EIPR1: variants seen among roughly 807,000 people sequenced by gnomAD.
EIPR1 encodes EARP complex and GARP complex interacting protein 1.
In EIPR1, 25 loss-of-function variants were observed where a neutral mutation model predicts 48.1. The observed-to-expected ratio is 0.52, with a 90% CI of 0.38 to 0.73. The LOEUF is 0.73. Ranked by LOEUF, EIPR1 falls within the 30% of genes least tolerant of loss-of-function variation. The probability of loss-of-function intolerance (pLI) is 0.00; values close to 1 mark genes in which losing one functional copy is unlikely to be tolerated. For missense variants in EIPR1, 415 were observed against 506.2 expected, an observed-to-expected ratio of 0.82 and a Z score of 1.73; for synonymous variants, 204 against 201.9, an observed-to-expected ratio of 1.01 and a Z score of -0.09.
At chr2:3,230,395 G>C (rs1666205580) in intron 4 of EIPR1, among the ~76,000 whole-genome samples, 1 of 152,190 alleles carries the variant, frequency 6.6e-6, no homozygotes, top group African/African-American at 2.4e-5. Context: ...CGCTGCAGCT[G>C]AAGGGGGTGG....
rs1257429367 is a variant in EIPR1 at position 3,269,344 on chromosome 2, G to A, written c.260-11889C>T. Among the ~76,000 whole-genome samples, 270 of 74,408 alleles carry A rather than the reference G, an allele frequency of 3.6e-3. 58 individuals carry two copies. The highest frequency in any genetic ancestry group is 8.8e-3 in the African/African-American group (134 of 15,260). The allele number at this position is 74,408 out of a possible 152,430, so 48.8% of individuals were successfully genotyped here. On this transcript the variant is annotated intron_variant, in intron 3 of 8. Coordinates refer to ENST00000382125, the MANE Select transcript of EIPR1 (RefSeq NM_003310.5). ...TCGCACTCAATCATCATCACACTCAGTCATCGCACTCAGTCATCGCACTCA... is the reference window on the plus strand; with the variant it reads ...TCGCACTCAATCATCATCACACTCAATCATCGCACTCAGTCATCGCACTCA...
At chr2:3,367,246 A>G (rs760132921) in intron 1 of EIPR1, among the ~76,000 whole-genome samples, 12 of 152,106 alleles carry the variant, frequency 7.9e-5, no homozygotes, top group South Asian at 6.2e-4. Flanking sequence ...GTTTCCTCCT[A>G]TGCTGTGTTC....
chr2:3,364,150 C>T (rs111645071), intron 1 of EIPR1, among the ~76,000 whole-genome samples: 11,910 of 152,198 alleles, frequency 0.078, 1,225 homozygotes, highest in East Asian at 0.41. Context: ...ATCCAGCAAT[C>T]CCACTACTGG....
intron 5 of EIPR1, among the ~76,000 whole-genome samples, chr2:3,201,800 C>T (rs1392839541): frequency 6.6e-6 from 1 of 152,154 alleles, no homozygotes; most frequent in Non-Finnish European, 1.5e-5. Flanking sequence ...GAATTGGTAG[C>T]AACATTACGT....
chr2:3,213,135 C>T (rs1336609723), intron 5 of EIPR1, among the ~76,000 whole-genome samples: 1 of 152,186 alleles, frequency 6.6e-6, no homozygotes, highest in Non-Finnish European at 1.5e-5. Flanking sequence ...GAGGCCATCA[C>T]TGGAGAAATC....
At chr2:3,206,153 G>A (rs1203524589) in intron 5 of EIPR1, among the ~76,000 whole-genome samples, 1 of 152,174 alleles carries the variant, frequency 6.6e-6, no homozygotes, top group Non-Finnish European at 1.5e-5. Flanking sequence ...GGGCTCTCCT[G>A]GTGGCACACT....
At chr2:3,266,386 G>A (rs528144703) in intron 3 of EIPR1, among the ~76,000 whole-genome samples, 10 of 152,358 alleles carry the variant, frequency 6.6e-5, no homozygotes, top group Non-Finnish European at 1.2e-4. Context: ...ATGCAGGTAC[G>A]CCTCGGGGTG....
At chr2:3,353,394 C>T (rs535387042) in intron 2 of EIPR1, 19 of 444,782 alleles carry the variant, frequency 4.3e-5, no homozygotes, top group Non-Finnish European at 4.6e-6. Flanking sequence ...ACAATTTTAA[C>T]ATCCCACCAA....
At chr2:3,362,120 T>C (rs1670865776) in intron 1 of EIPR1, among the ~76,000 whole-genome samples, 1 of 152,208 alleles carries the variant, frequency 6.6e-6, no homozygotes, top group Non-Finnish European at 1.5e-5. Context: ...TCAACTAAGC[T>C]TGGACCTCAA....
intron 2 of EIPR1, among the ~76,000 whole-genome samples, chr2:3,345,182 G>A (rs888920351): frequency 6.6e-6 from 1 of 152,132 alleles, no homozygotes; most frequent in African/African-American, 2.4e-5. Flanking sequence ...AATGCCACCA[G>A]CTGCTTCTGG....
At chr2:3,209,622 G>C (rs1354535993) in intron 5 of EIPR1, among the ~76,000 whole-genome samples, 1 of 152,162 alleles carries the variant, frequency 6.6e-6, no homozygotes, top group African/African-American at 2.4e-5. Context: ...TGCATAAAAG[G>C]AAAGACCAAC....
chr2:3,233,130 A>G (rs1666294127), intron 4 of EIPR1, among the ~76,000 whole-genome samples: 1 of 152,324 alleles, frequency 6.6e-6, no homozygotes, highest in African/African-American at 2.4e-5. Flanking sequence ...TTTTCTATGC[A>G]TACAGTGGTA....
chr2:3,324,375 G>C (rs900365544), intron 3 of EIPR1, among the ~76,000 whole-genome samples: 4 of 152,214 alleles, frequency 2.6e-5, no homozygotes, highest in Non-Finnish European at 5.9e-5. Context: ...GGCTTTCCCA[G>C]CTCCTCCCGG....
intron 3 of EIPR1, among the ~76,000 whole-genome samples, chr2:3,269,255 C>CGCACTCAGTCATG (rs1261651198): frequency 1.2e-4 from 12 of 97,790 alleles, no homozygotes; most frequent in African/African-American, 3.8e-4. Flanking sequence ...ACTCAGTCAT[C>CGCACTCAGTCATG]GCACTCAGTC....
chr2:3,262,671 G>A (rs1667369919), intron 3 of EIPR1, among the ~76,000 whole-genome samples: 1 of 152,184 alleles, frequency 6.6e-6, no homozygotes, highest in African/African-American at 2.4e-5. Flanking sequence ...GGACTTTGTG[G>A]AGAGCCCGGT....
At chr2:3,192,101 A>G (rs1269663131) in intron 8 of EIPR1, among the ~76,000 whole-genome samples, 1 of 152,244 alleles carries the variant, frequency 6.6e-6, no homozygotes, top group Non-Finnish European at 1.5e-5. Flanking sequence ...TATTCGTTCT[A>G]TTATTATTCA....
chr2:3,304,365 CTA>C (rs1558285707), intron 3 of EIPR1, among the ~76,000 whole-genome samples: 1 of 152,210 alleles, frequency 6.6e-6, no homozygotes, highest in African/African-American at 2.4e-5. Flanking sequence ...GCAACCAAGA[CTA>C]TGTGATCCTG....
chr2:3,217,579 G>C (rs540401462), intron 4 of EIPR1, among the ~76,000 whole-genome samples: 38 of 152,268 alleles, frequency 2.5e-4, no homozygotes, highest in Middle Eastern at 6.8e-3. Context: ...AAAAAATTGA[G>C]TTAAACTCAC....
intron 3 of EIPR1, among the ~76,000 whole-genome samples, chr2:3,334,778 G>A (rs1669995982): frequency 1.3e-5 from 2 of 152,194 alleles, no homozygotes; most frequent in Admixed American, 6.5e-5. Context: ...TGAATGTTGT[G>A]GAACAATTTC....
Sources: gnomAD v4.1 joint callset for allele counts (sites outside exome capture counted in the v4.1 genomes callset) on GRCh38, gnomAD v4.1.1 for gene constraint, MANE v1.5 for transcripts, NCBI Gene and HGNC (gene_info 2026-07-23, HGNC 2026-07-21) for gene names.